CCND2: variants seen among roughly 807,000 people sequenced by gnomAD.
The protein encoded by CCND2 is G1/S-specific cyclin-D2.
Under a neutral mutation model 30.2 loss-of-function variants are expected in CCND2, and 6 were observed. That is an observed-to-expected ratio of 0.20 (90% CI 0.11 to 0.39). The LOEUF (loss-of-function observed/expected upper bound fraction) is 0.39, where lower values mean the gene tolerates loss of function less well. CCND2 is among the 10% of genes least tolerant of loss of function. The pLI is 1.00. For missense variants in CCND2, 235 were observed against 373.4 expected (o/e 0.63, Z 3.06); for synonymous variants, 150 against 153.1 (o/e 0.98, Z 0.15).
chr12:4,274,406 T>G lies in CCND2; in HGVS notation c.195+171T>G, dbSNP rs936224289. 6.6e-5 allele frequency among the ~76,000 whole-genome samples: 10 copies of G among 151,798 alleles called. No homozygotes were observed. The highest frequency in any genetic ancestry group is 1.5e-4 in the Non-Finnish European group (10 of 67,914). ...ACGCGTGGCTTTATTTCTGTTCCTC[T>G]CCAGATAAACTGGGGAGGCAGAGGG... On this transcript the variant is annotated intron_variant, in intron 1 of 4. Transcript: ENST00000261254. This position sits in a 1 kb window ranked among gnomAD's most constrained non-coding sequence, Gnocchi z 7.7.
At chr12:4,294,520 T>C (rs969210337) in intron 4 of CCND2, among the ~76,000 whole-genome samples, 1 of 152,200 alleles carries the variant, frequency 6.6e-6, no homozygotes, top group African/African-American at 2.4e-5. Flanking sequence ...TAGAGGCGCT[T>C]TCGTGTTTTT....
In CCND2 at chr12:4,299,165, G is replaced by T. The variant is rs796600525; in HGVS notation, c.721-695G>T. On this transcript the variant is annotated intron_variant, in intron 4 of 4. Transcript: ENST00000261254. The surrounding 1 kb of genome is among the most constrained non-coding windows in gnomAD (Gnocchi z 5.2). ...TCACAAGGTCAGGAGTTCGAGGCCA[G>T]CCTGGCCAATATGGTGAAACCCTGT... 3.9e-5 allele frequency among the ~76,000 whole-genome samples: 6 copies of T among 152,100 alleles called. No individual in the cohort carries two copies. The highest frequency in any genetic ancestry group is 1.4e-4 in the African/African-American group (6 of 41,482).
chr12:4,277,850 A>G (rs1863894957), intron 2 of CCND2, among the ~76,000 whole-genome samples: 1 of 152,266 alleles, frequency 6.6e-6, no homozygotes, highest in Non-Finnish European at 1.5e-5. Flanking sequence ...GTGGATAGGC[A>G]TATTTTCTGG....
chr12:4,290,776 A>C (rs1181838742), intron 4 of CCND2, among the ~76,000 whole-genome samples: 1 of 152,192 alleles, frequency 6.6e-6, no homozygotes, highest in Non-Finnish European at 1.5e-5. Context: ...TCGAGACCGC[A>C]GGCAAGTCAG....
At position 4,288,718 on chromosome 12, in the gene CCND2, T is replaced by C. The variant is rs982544845; in HGVS notation, c.572-124T>C. 7.2e-6 allele frequency: 6 copies of C among 838,532 alleles called. No individual in the cohort carries two copies. In the African/African-American group the frequency reaches 1.0e-4, roughly 15 times the overall value. 51.9% of individuals were successfully genotyped at this position (838,532 alleles called of 1,614,324 possible). A position where few individuals can be genotyped will look rare whatever the true frequency, so the allele number is the denominator to read the frequency against. ...AAGAACTCGAGGGAGGACATGCCTG[T>C]AGGGCACGGGGTCACTCGCGCCGCT... On this transcript the variant is annotated intron_variant, in intron 3 of 4. Transcript: ENST00000261254.
At position 4,304,404 on chromosome 12, in the gene CCND2, T is replaced by G. The variant is rs1273169907; in HGVS notation, c.*4395T>G. The G allele has an allele frequency of 4.3e-6, 1 of 233,594 alleles. No homozygotes were observed. Among genetic ancestry groups the G allele is most frequent in the South Asian group, 1.8e-4 (1 of 5,538 alleles). The allele number at this position is 233,594 out of a possible 1,614,324, so 14.5% of individuals were successfully genotyped here. On this transcript the variant is annotated 3_prime_UTR_variant, in exon 5 of 5. Transcript: ENST00000261254. This position sits in a 1 kb window ranked among gnomAD's most constrained non-coding sequence, Gnocchi z 6.2. ...CAACAAACCCTCTGTAGCTATAGAA[T>G]GAGTGCAGGTTTCTATTGGTGTGGA... is the stretch of plus-strand genomic sequence containing the variant.
At chr12:4,295,480 G>A (rs1456737966) in intron 4 of CCND2, among the ~76,000 whole-genome samples, 1 of 152,174 alleles carries the variant, frequency 6.6e-6, no homozygotes. Flanking sequence ...GGGGTCATCA[G>A]TCAAGAGCTG....
At position 4,293,705 on chromosome 12, in the gene CCND2, G is replaced by A. The variant is rs1224052951; in HGVS notation, c.720+4715G>A. Among the ~76,000 whole-genome samples, 3 of 152,136 alleles carry A rather than the reference G, an allele frequency of 2.0e-5. No individual in the cohort carries two copies. The highest frequency in any genetic ancestry group is 2.9e-5 in the Non-Finnish European group (2 of 68,028). ...GCGCCGTGGAAGAAGTCTCAGTTTC[G>A]ACCACATGTGTGTGATTCATGGGGT... On this transcript the variant is annotated intron_variant, in intron 4 of 4. Transcript: ENST00000261254. This position sits in a 1 kb window ranked among gnomAD's most constrained non-coding sequence, Gnocchi z 4.9.
intron 4 of CCND2, among the ~76,000 whole-genome samples, chr12:4,290,654 C>T (rs1864088221): frequency 6.6e-6 from 1 of 151,980 alleles, no homozygotes; most frequent in African/African-American, 2.4e-5. Flanking sequence ...ATGGGCTGAC[C>T]ACCCTACCGG....
At position 4,285,079 on chromosome 12, in the gene CCND2, A is replaced by G. The variant is rs917963376; in HGVS notation, c.572-3763A>G. 6.6e-6 allele frequency among the ~76,000 whole-genome samples: 1 copy of G among 152,292 alleles called. No homozygotes were observed. The highest frequency in any genetic ancestry group is 2.1e-4 in the South Asian group (1 of 4,818). On this transcript the variant is annotated intron_variant, in intron 3 of 4. Coordinates refer to ENST00000261254, the MANE Select transcript of CCND2 (RefSeq NM_001759.4). This position sits in a 1 kb window ranked among gnomAD's most constrained non-coding sequence, Gnocchi z 4.1. ...TGAGAAGTTTCTTCAGAAGTTATCC[A>G]TATAGTAGTACAGACCTAGCCATTA... is the stretch of plus-strand genomic sequence containing the variant.
intron 3 of CCND2, among the ~76,000 whole-genome samples, chr12:4,286,406 G>T (rs1412141887): frequency 6.6e-6 from 1 of 152,230 alleles, no homozygotes; most frequent in East Asian, 1.9e-4. Flanking sequence ...TAGCTGGAGG[G>T]CTGATGTTGC....
intron 4 of CCND2, among the ~76,000 whole-genome samples, chr12:4,292,488 T>A (rs187970319): frequency 1.3e-5 from 2 of 151,964 alleles, no homozygotes; most frequent in Non-Finnish European, 2.9e-5. Context: ...TCCCCCTGAT[T>A]CTTGTGAGAT....
In CCND2 at chr12:4,301,699, T is replaced by TTTGG; in HGVS notation, c.*1690_*1691insTTGG. Reference sequence around the variant, plus strand: ...GTTCAGTTTGGTTTTTTTTTTTTTTTGCGCTGCTAAGAAGCTAAAGTCATC... The same window carrying TTTGG: ...GTTCAGTTTGGTTTTTTTTTTTTTTTTTGGGCGCTGCTAAGAAGCTAAAGTCATC... On this transcript the variant is annotated 3_prime_UTR_variant, in exon 5 of 5. Transcript: ENST00000261254. 9.4e-6 allele frequency: 2 copies of TTTGG among 212,614 alleles called. No individual in the cohort carries two copies. The highest frequency in any genetic ancestry group is 1.9e-5 in the Non-Finnish European group (2 of 107,964). The allele number at this position is 212,614 out of a possible 1,614,324, so 13.2% of individuals were successfully genotyped here. A position where few individuals can be genotyped will look rare whatever the true frequency, so the allele number is the denominator to read the frequency against.
intron 4 of CCND2, among the ~76,000 whole-genome samples, chr12:4,289,359 G>A (rs1591648251): frequency 1.3e-5 from 2 of 152,176 alleles, no homozygotes; most frequent in East Asian, 1.9e-4. Flanking sequence ...GCTTTCACAC[G>A]CTGAGGCTGT....
Position 4,304,248 on chromosome 12 carries a change from G to A in CCND2, c.*4239G>A, listed in dbSNP as rs1489269552. 1.7e-5 allele frequency: 4 copies of A among 233,550 alleles called. No homozygotes were observed. Among genetic ancestry groups the A allele is most frequent in the Non-Finnish European group, 3.4e-5 (4 of 118,028 alleles). 14.5% of individuals were successfully genotyped at this position (233,550 alleles called of 1,614,324 possible). On this transcript the variant is annotated 3_prime_UTR_variant, in exon 5 of 5. Transcript: ENST00000261254. This position sits in a 1 kb window ranked among gnomAD's most constrained non-coding sequence, Gnocchi z 6.2. Reference sequence around the variant, plus strand: ...AGTGTGGGAATTGGAGGTAGGAAGGGGAGGAAGTCTGAGTAAGCCAGTTGG... The same window carrying A: ...AGTGTGGGAATTGGAGGTAGGAAGGAGAGGAAGTCTGAGTAAGCCAGTTGG...
intron 3 of CCND2, among the ~76,000 whole-genome samples, chr12:4,286,205 A>G (rs187100388): frequency 2.6e-5 from 4 of 152,224 alleles, no homozygotes; most frequent in African/African-American, 9.6e-5. Context: ...TTTCTATCCT[A>G]CTCTATTTGG....
intron 4 of CCND2, among the ~76,000 whole-genome samples, chr12:4,296,900 CA>C (rs1332646949): frequency 6.6e-6 from 1 of 152,132 alleles, no homozygotes; most frequent in African/African-American, 2.4e-5. Context: ...TGAGTGAGCA[CA>C]GGGGGTGACG....
At chr12:4,289,377 A>C (rs1036735433) in intron 4 of CCND2, among the ~76,000 whole-genome samples, 1 of 152,152 alleles carries the variant, frequency 6.6e-6, no homozygotes, top group Non-Finnish European at 1.5e-5. Flanking sequence ...TGTAAGGCGC[A>C]CAGAGGAGAA....
In CCND2 at chr12:4,273,916, C is replaced by G; in HGVS notation, c.-125C>G. 1 of 904,418 alleles carries G rather than the reference C, an allele frequency of 1.1e-6. No homozygotes were observed. The highest frequency in any genetic ancestry group is 1.7e-5 in the South Asian group (1 of 58,242). 56.0% of individuals were successfully genotyped at this position (904,418 alleles called of 1,614,324 possible). On this transcript the variant is annotated 5_prime_UTR_variant, in exon 1 of 5. Transcript: ENST00000261254. This position sits in a 1 kb window ranked among gnomAD's most constrained non-coding sequence, Gnocchi z 5.9. The stretch of plus-strand genomic sequence containing the variant: ...TCTGCCCTCACCTCTCCCCCGAAAA[C>G]CCCCTATTTAGCCAAAGGAAGGAGG...
Sources: gnomAD v4.1 joint callset for allele counts (sites outside exome capture counted in the v4.1 genomes callset) on GRCh38, gnomAD v4.1.1 for gene constraint, Gnocchi (gnomAD v3.1) non-coding constraint, MANE v1.5 for transcripts, NCBI Gene and HGNC (gene_info 2026-07-23, HGNC 2026-07-21) for gene names.